STAG1: variants seen among roughly 807,000 people sequenced by gnomAD.
STAG1 encodes STAG1 cohesin complex component.
Under a neutral mutation model 170.9 loss-of-function variants are expected in STAG1, and 26 were observed. The ratio of observed to expected loss-of-function variants is 0.15; its 90% confidence interval spans 0.11 to 0.21. The LOEUF (loss-of-function observed/expected upper bound fraction) is 0.21. STAG1 is among the 10% of genes least tolerant of loss of function. The probability of loss-of-function intolerance (pLI) is 1.00; values close to 1 mark genes in which losing one functional copy is unlikely to be tolerated. For missense variants in STAG1, 964 were observed against 1,509.5 expected, an observed-to-expected ratio of 0.64 and a Z score of 5.99; for synonymous variants, 514 against 497.7, an observed-to-expected ratio of 1.03 and a Z score of -0.44.
chr3:136,714,861 A>T (rs1308159535), intron 1 of STAG1, among the ~76,000 whole-genome samples: 3 of 145,530 alleles, frequency 2.1e-5, no homozygotes, highest in Non-Finnish European at 4.5e-5. Flanking sequence ...GTGAGTCATG[A>T]TTATGCCACT....
At chr3:136,417,792 C>A in intron 21 of STAG1, 93 bp downstream of exon 21, 1 of 906,758 alleles carries the variant, frequency 1.1e-6, no homozygotes, top group South Asian at 1.4e-5. Flanking sequence ...AATGAATCGT[C>A]AATTACTTTC....
chr3:136,601,028 T>C (rs1441765229), intron 4 of STAG1, among the ~76,000 whole-genome samples: 3 of 151,978 alleles, frequency 2.0e-5, no homozygotes, highest in African/African-American at 7.3e-5. Flanking sequence ...ATCCAGCTAA[T>C]TTTTGTATTT....
At chr3:136,484,799 G>A (rs1410496968) in intron 9 of STAG1, among the ~76,000 whole-genome samples, 66 of 143,046 alleles carry the variant, frequency 4.6e-4, no homozygotes, top group East Asian at 1.9e-3. Context: ...TTTTTAAGCC[G>A]GTCTGAAAAG....
At chr3:136,613,334 A>AAAAAAAAAAAAAC (rs1442267102) in intron 3 of STAG1, among the ~76,000 whole-genome samples, 1 of 150,966 alleles carries the variant, frequency 6.6e-6, no homozygotes, top group Non-Finnish European at 1.5e-5. Flanking sequence ...AAAAAAAAAA[A>AAAAAAAAAAAAAC]AGAAATCAGA....
chr3:136,534,871 T>C (rs1935546433), intron 6 of STAG1, among the ~76,000 whole-genome samples: 1 of 152,218 alleles, frequency 6.6e-6, no homozygotes, highest in African/African-American at 2.4e-5. Context: ...AGAACTACCA[T>C]ATGATCCAGC....
At chr3:136,348,616 C>G (rs897127621) in intron 29 of STAG1, among the ~76,000 whole-genome samples, 2 of 151,972 alleles carry the variant, frequency 1.3e-5, no homozygotes, top group African/African-American at 4.8e-5. Flanking sequence ...GTTTCCCAGG[C>G]TGGTCTCAAA....
At position 136,561,614 on chromosome 3, in the gene STAG1, C is replaced by A. The variant is rs922608966; in HGVS notation, c.394+7151G>T. Among the ~76,000 whole-genome samples the A allele has an allele frequency of 2.9e-4, 44 of 152,160 alleles. 1 individual carries two copies. The highest frequency in any genetic ancestry group is 1.0e-3 in the African/African-American group (43 of 41,500). ...ATAATAGTTTTGCAAACTGATTCTCCTGAGTTTTCTAAACATGCTATATTA... is the reference window on the plus strand; with the variant it reads ...ATAATAGTTTTGCAAACTGATTCTCATGAGTTTTCTAAACATGCTATATTA... On this transcript the variant is annotated intron_variant, in intron 5 of 33. Transcript: ENST00000383202.
chr3:136,684,202 G>C lies in STAG1; in HGVS notation c.-83-53221C>G, dbSNP rs1232080023. Among the ~76,000 whole-genome samples the C allele has an allele frequency of 2.6e-5, 4 of 152,226 alleles. No individual in the cohort carries two copies. In the East Asian group the frequency reaches 7.7e-4, roughly 29 times the overall value. ...ATTCTGGTTTACTGAAGAGGCCAAA[G>C]GTCTAAAGTAGCCAATATGATACTG... is the stretch of plus-strand genomic sequence containing the variant. On this transcript the variant is annotated intron_variant, in intron 1 of 33. Transcript: ENST00000383202.
chr3:136,632,133 A>AT (rs1940355456), intron 1 of STAG1, among the ~76,000 whole-genome samples: 1 of 152,242 alleles, frequency 6.6e-6, no homozygotes. Flanking sequence ...GGAAAAAAAA[A>AT]GTCAACCCTG....
chr3:136,750,926 A>G (rs1255211182), intron 1 of STAG1, among the ~76,000 whole-genome samples: 1 of 152,212 alleles, frequency 6.6e-6, no homozygotes, highest in Non-Finnish European at 1.5e-5. Context: ...TCTTCTGTAT[A>G]TTTCCCTAAG....
chr3:136,350,494 C>G, intron 28 of STAG1, among the ~76,000 whole-genome samples: 1 of 152,208 alleles, frequency 6.6e-6, no homozygotes, highest in Non-Finnish European at 1.5e-5. Flanking sequence ...GCTGAGAACA[C>G]TGGAACCCTG....
chr3:136,554,395 T>C lies in STAG1; in HGVS notation c.395-12200A>G, dbSNP rs144749621. Among the ~76,000 whole-genome samples the C allele has an allele frequency of 2.0e-3, 308 of 152,304 alleles. 2 individuals are homozygous for C. The highest frequency in any genetic ancestry group is 7.0e-3 in the African/African-American group (292 of 41,562). ...ATATAAAATATTTTAACAAAATTAT[T>C]GAGCTAACAATGGACATACTACACC... is the stretch of plus-strand genomic sequence containing the variant. On this transcript the variant is annotated intron_variant, in intron 5 of 33. Transcript: ENST00000383202.
At chr3:136,601,481 T>G (rs1212612985) in intron 4 of STAG1, among the ~76,000 whole-genome samples, 1 of 152,156 alleles carries the variant, frequency 6.6e-6, no homozygotes, top group Non-Finnish European at 1.5e-5. Flanking sequence ...GAGTCCTGAC[T>G]ACTGATCATT....
intron 3 of STAG1, among the ~76,000 whole-genome samples, chr3:136,617,255 G>A (rs192958826): frequency 5.2e-4 from 79 of 152,328 alleles, no homozygotes; most frequent in Non-Finnish European, 9.8e-4. Context: ...TATTCCAAGT[G>A]TAGCAGGGGA....
At chr3:136,723,804 G>A (rs1227500463) in intron 1 of STAG1, among the ~76,000 whole-genome samples, 9 of 141,060 alleles carry the variant, frequency 6.4e-5, no homozygotes, top group Non-Finnish European at 9.3e-5. Flanking sequence ...CCCCCCGCCC[G>A]GCCAGCCGCC....
At chr3:136,594,062 G>A (rs1192702767) in intron 4 of STAG1, among the ~76,000 whole-genome samples, 1 of 152,108 alleles carries the variant, frequency 6.6e-6, no homozygotes, top group African/African-American at 2.4e-5. Context: ...ATGAATATTA[G>A]AAAATTATTA....
At chr3:136,350,470 C>T (rs569714748) in intron 28 of STAG1, among the ~76,000 whole-genome samples, 1 of 152,140 alleles carries the variant, frequency 6.6e-6, no homozygotes, top group Non-Finnish European at 1.5e-5. Context: ...AAAACACTAC[C>T]CTGGGCACAG....
chr3:136,439,690 C>G (rs1241384063), intron 15 of STAG1, among the ~76,000 whole-genome samples: 1 of 152,096 alleles, frequency 6.6e-6, no homozygotes, highest in East Asian at 1.9e-4. Flanking sequence ...CACTCCATGC[C>G]AGAGCTTATA....
intron 15 of STAG1, among the ~76,000 whole-genome samples, chr3:136,438,240 CTTTTTTTTTT>C (rs371190637): frequency 7.8e-6 from 1 of 128,210 alleles, no homozygotes; most frequent in Admixed American, 8.7e-5. Flanking sequence ...AGTTTCTTTT[CTTTTTTTTTT>C]TTTTTTTGAG....
Sources: gnomAD v4.1 joint callset for allele counts (sites outside exome capture counted in the v4.1 genomes callset) on GRCh38, gnomAD v4.1.1 for gene constraint, MANE v1.5 for transcripts, NCBI Gene and HGNC (gene_info 2026-07-23, HGNC 2026-07-21) for gene names.